Variants in LRP1B observed in about 807,000 individuals in gnomAD.
LRP1B encodes the protein low-density lipoprotein receptor-related protein 1B.
A neutral mutation model predicts 556.6 loss-of-function variants in LRP1B; 217 were observed. That is an observed-to-expected ratio of 0.39 (90% confidence interval 0.35 to 0.44). The LOEUF (loss-of-function observed/expected upper bound fraction) is 0.44, where lower values mean the gene tolerates loss of function less well. LRP1B is among the 20% of genes least tolerant of loss of function. The pLI is 1.00. For missense variants in LRP1B, 5,053 were observed against 5,620.8 expected (o/e 0.90, Z 3.23); for synonymous variants, 2,047 against 1,865.8 (o/e 1.10, Z -2.50).
intron 1 of LRP1B, among the ~76,000 whole-genome samples, chr2:142,044,743 T>C (rs1704194405): frequency 1.3e-5 from 2 of 151,484 alleles, no homozygotes; most frequent in Non-Finnish European, 3.0e-5. Context: ...TCAAGGGGCA[T>C]TCTGATACAG....
At chr2:141,189,303 G>T (rs2105195911) in intron 6 of LRP1B, among the ~76,000 whole-genome samples, 1 of 152,008 alleles carries the variant, frequency 6.6e-6, no homozygotes, top group Admixed American at 6.6e-5. Flanking sequence ...TTGAGTATGG[G>T]ATTTCAGCTA....
In LRP1B at chr2:140,989,592, G is replaced by A. The variant is rs377210350; in HGVS notation, c.2710C>T (p.Leu904Phe). ...QNNRCIPKRWLCDGANDCGSN... is the reference protein window; with the variant it reads ...QNNRCIPKRWFCDGANDCGSN... ...CCACAGTCATTAGCTCCATCACAAA[G>A]CCATCTCTTGGGGATGCAGCGATTA... The change falls in exon 17 of 91, where the codon CTT becomes TTT. Residue 904 changes from leucine to phenylalanine, a missense_variant. Leu to Phe is a conservative substitution (Grantham distance 22). This residue lies in a region of LRP1B where 3,619 missense variants were observed against 3,931.9 expected (regional missense o/e 0.92). Transcript: ENST00000389484. 7 of 1,613,108 alleles carry A rather than the reference G, an allele frequency of 4.3e-6. No individual in the cohort carries two copies. In the African/African-American group the frequency reaches 9.4e-5, roughly 22 times the overall value.
intron 31 of LRP1B, among the ~76,000 whole-genome samples, chr2:140,816,645 A>G (rs1374473293): frequency 2.6e-5 from 4 of 152,094 alleles, no homozygotes; most frequent in Admixed American, 6.6e-5. Flanking sequence ...AACTCCCTCC[A>G]TATATCTTCT....
chr2:140,748,280 G>T (rs1257630983), intron 35 of LRP1B, among the ~76,000 whole-genome samples: 2 of 74,084 alleles, frequency 2.7e-5, no homozygotes, highest in East Asian at 4.1e-4. Context: ...TTTAATATAT[G>T]TTCATATATG....
intron 1 of LRP1B, among the ~76,000 whole-genome samples, chr2:142,031,873 G>C (rs1175312555): frequency 1.3e-5 from 2 of 151,800 alleles, no homozygotes; most frequent in African/African-American, 4.8e-5. Flanking sequence ...AATCCCATAT[G>C]TCTGGTGTCT....
chr2:141,700,229 C>T (rs1010158806), intron 2 of LRP1B, among the ~76,000 whole-genome samples: 4 of 151,724 alleles, frequency 2.6e-5, no homozygotes, highest in Admixed American at 6.6e-5. Flanking sequence ...ATTATTGTAA[C>T]GTTCTACTCA....
At chr2:140,367,244 A>C (rs990168032) in intron 71 of LRP1B, among the ~76,000 whole-genome samples, 2 of 151,800 alleles carry the variant, frequency 1.3e-5, no homozygotes, top group Admixed American at 6.6e-5. Flanking sequence ...TAATGGCAGA[A>C]ACATGATTAG....
intron 35 of LRP1B, among the ~76,000 whole-genome samples, chr2:140,741,803 C>A (rs994410454): frequency 2.0e-5 from 3 of 152,030 alleles, no homozygotes; most frequent in African/African-American, 7.2e-5. Flanking sequence ...TTGTTTCCTT[C>A]TTTGTATCTA....
chr2:141,857,807 C>G (rs574983490), intron 1 of LRP1B, among the ~76,000 whole-genome samples: 2 of 152,282 alleles, frequency 1.3e-5, no homozygotes, highest in South Asian at 4.1e-4. Context: ...TGACACAGCA[C>G]TGGTCCCTTC....
intron 1 of LRP1B, among the ~76,000 whole-genome samples, chr2:142,035,225 A>T (rs1035638328): frequency 6.6e-6 from 1 of 151,742 alleles, no homozygotes; most frequent in African/African-American, 2.4e-5. Context: ...TCTCTACAGC[A>T]TGACAGGACA....
At chr2:141,624,117 A>G (rs1462617636) in intron 2 of LRP1B, among the ~76,000 whole-genome samples, 2 of 151,502 alleles carry the variant, frequency 1.3e-5, no homozygotes, top group South Asian at 2.1e-4. Flanking sequence ...AGTAAAGGGT[A>G]TATGTATATA....
chr2:141,201,265 C>A (rs1422893090), intron 6 of LRP1B, among the ~76,000 whole-genome samples: 1 of 152,166 alleles, frequency 6.6e-6, no homozygotes, highest in Admixed American at 6.5e-5. Context: ...AATGTTCTGA[C>A]AAAATGTCGT....
intron 3 of LRP1B, among the ~76,000 whole-genome samples, chr2:141,467,341 C>T (rs1011837458): frequency 2.0e-5 from 3 of 151,818 alleles, no homozygotes; most frequent in African/African-American, 7.3e-5. Flanking sequence ...GAAAGAAAAG[C>T]ATGATGAAGT....
chr2:141,074,752 G>A (rs375142845), intron 7 of LRP1B, among the ~76,000 whole-genome samples: 2 of 151,586 alleles, frequency 1.3e-5, no homozygotes, highest in South Asian at 2.1e-4. Context: ...AAAAAATAAA[G>A]ATAAGGCCAT....
At chr2:141,434,588 G>A (rs1573941382) in intron 3 of LRP1B, among the ~76,000 whole-genome samples, 1 of 152,186 alleles carries the variant, frequency 6.6e-6, no homozygotes, top group Non-Finnish European at 1.5e-5. Flanking sequence ...ACCATTTGGG[G>A]TCTGTCAATG....
intron 7 of LRP1B, among the ~76,000 whole-genome samples, chr2:141,064,909 T>G (rs1289927826): frequency 6.6e-6 from 1 of 151,910 alleles, no homozygotes. Flanking sequence ...ATAACATATT[T>G]TTCCAAATCA....
intron 1 of LRP1B, among the ~76,000 whole-genome samples, chr2:141,953,028 A>AT (rs1455292889): frequency 2.0e-5 from 3 of 152,034 alleles, no homozygotes; most frequent in African/African-American, 4.8e-5. Context: ...AAAGAAATTC[A>AT]TTTTTTTAAT....
intron 35 of LRP1B, among the ~76,000 whole-genome samples, chr2:140,732,665 G>T (rs933662748): frequency 2.0e-5 from 3 of 151,036 alleles, no homozygotes; most frequent in Admixed American, 2.0e-4. Flanking sequence ...AAAGGTTAAA[G>T]ATTACATTAG....
intron 18 of LRP1B, among the ~76,000 whole-genome samples, chr2:140,968,065 C>G (rs1247323501): frequency 7.1e-6 from 1 of 140,852 alleles, no homozygotes; most frequent in African/African-American, 2.6e-5. Flanking sequence ...AGGGAGGATT[C>G]CCTCTTTTTC....
Sources: allele counts gnomAD v4.1 joint callset (sites outside exome capture counted in the v4.1 genomes callset), GRCh38; gene constraint gnomAD v4.1.1; regional missense constraint gnomAD v4.1.1; transcripts MANE v1.5; gene names NCBI Gene and HGNC (gene_info 2026-07-23, HGNC 2026-07-21).